The following MYH8 variants were observed in gnomAD, a reference collection of about 807,000 sequenced individuals.
The protein encoded by MYH8 is myosin-8.
Under a neutral mutation model 233.2 loss-of-function variants are expected in MYH8, and 168 were observed. That is an observed-to-expected ratio of 0.72 (90% CI 0.64 to 0.82). MYH8 has a LOEUF of 0.82. Ranked by LOEUF, MYH8 falls within the 40% of genes least tolerant of loss-of-function variation. MYH8 has a pLI of 0.00. For missense variants in MYH8, 1,995 were observed against 2,327.8 expected (o/e 0.86, Z 2.94); for synonymous variants, 785 against 850.6 (o/e 0.92, Z 1.34).
Position 10,414,001 on chromosome 17 carries a change from C to T in MYH8, c.1048G>A (p.Val350Met), listed in dbSNP as rs530350694. Residue 350 changes from valine to methionine, a missense_variant, in exon 12 of 40, where the codon GTG (valine) becomes ATG (methionine). Around this residue, in one of 3 missense-constraint regions of MYH8, gnomAD observed 479 missense variants for 600.9 expected, o/e 0.80. Coordinates refer to ENST00000403437, the MANE Select transcript of MYH8 (RefSeq NM_002472.3). Reference protein sequence around the residue: ...DILGFTPEEKVSIYKLTGAVM... With the variant: ...DILGFTPEEKMSIYKLTGAVM... ...GCCCCTGTGAGTTTATAGATGGACA[C>T]TTTCTCTTCAGGAGTGAAGCCCAGG... The T allele has an allele frequency of 1.2e-6, 2 of 1,614,086 alleles. No homozygotes were observed. Among genetic ancestry groups the T allele is most frequent in the Admixed American group, 1.7e-5 (1 of 60,012 alleles).
At position 10,390,568 on chromosome 17, in the gene MYH8, G is replaced by T. The variant is rs2072011168; in HGVS notation, c.5700C>A (p.Arg1900=). The change falls in exon 40 of 40, where the codon CGC becomes CGA. Residue 1900 remains arginine, a synonymous_variant. Transcript: ENST00000403437. ...EQSNANLSKF[R]KLQHELEEAE... Reference sequence around the variant, plus strand: ...CCTCCTCCAGCTCATGCTGGAGTTTGCGGAATTTAGATAGATTAGCATTGG... The same window carrying T: ...CCTCCTCCAGCTCATGCTGGAGTTTTCGGAATTTAGATAGATTAGCATTGG... The T allele has an allele frequency of 6.2e-7, 1 of 1,614,174 alleles. No homozygotes were observed. The highest frequency in any genetic ancestry group is 2.2e-5 in the East Asian group (1 of 44,888).
At position 10,412,718 on chromosome 17, in the gene MYH8, C is replaced by T; in HGVS notation, c.1158G>A (p.Lys386=). ...AEPDGTEVAD[K]AAYLQSLNSA... ...AGTTCAGACTCTGGAGATAGGCTGCCTTGTCAGCGACTGCAGAGACACAGT... is the reference window on the plus strand; with the variant it reads ...AGTTCAGACTCTGGAGATAGGCTGCTTTGTCAGCGACTGCAGAGACACAGT... Residue 386 remains lysine, a synonymous_variant, in exon 13 of 40, where the codon AAG becomes AAA. Coordinates refer to ENST00000403437, the MANE Select transcript of MYH8 (RefSeq NM_002472.3). 1 of 1,613,758 alleles carries T rather than the reference C, an allele frequency of 6.2e-7. No individual in the cohort carries two copies. Among genetic ancestry groups the T allele is most frequent in the South Asian group, 1.1e-5 (1 of 91,058 alleles).
chr17:10,406,563 C>G, intron 19 of MYH8, 127 bp downstream of exon 19: 1 of 1,341,286 alleles, frequency 7.5e-7, no homozygotes, highest in South Asian at 1.2e-5. Context: ...CTGTTGCATG[C>G]CTGCTTCCTG....
chr17:10,414,354 A>G (rs750277795), intron 10 of MYH8, 32 bp downstream of exon 10: 22 of 1,600,758 alleles, frequency 1.4e-5, no homozygotes, highest in Non-Finnish European at 1.8e-5. Context: ...AAAAATATTA[A>G]CTTCTATCTA....
intron 22 of MYH8, 77 bp downstream of exon 22, chr17:10,404,253 C>G (rs1166890345): frequency 7.0e-6 from 11 of 1,578,276 alleles, no homozygotes; most frequent in Non-Finnish European, 9.5e-6. Flanking sequence ...AAGTAGAGAT[C>G]ATTTGTAAAT....
chr17:10,414,087 C>T (rs776184999), intron 11 of MYH8, 47 bp from the exon 12 acceptor site: 1 of 1,612,998 alleles, frequency 6.2e-7, no homozygotes, highest in South Asian at 1.1e-5. Flanking sequence ...AAGAGACTAA[C>T]TTATAAGAGA....
rs759117723 is a variant in MYH8, at chr17:10,400,906, A to G, written c.3308T>C (p.Val1103Ala). The change falls in exon 26 of 40, where the codon GTA becomes GCA. Residue 1103 changes from valine to alanine, a missense_variant. By Grantham distance (64) the Val-to-Ala change is moderately conservative. Coordinates refer to ENST00000403437, the MANE Select transcript of MYH8 (RefSeq NM_002472.3). The surrounding 1 kb of genome is among the most constrained non-coding windows in gnomAD (Gnocchi z 4.0). ...LISKIEDEQAVEIQLQKKIKE... is the reference protein window; with the variant it reads ...LISKIEDEQAAEIQLQKKIKE... Reference sequence around the variant, plus strand: ...GATCTTCTTCTGTAGTTGAATTTCTACAGCTTGCTCATCTTCAATTTTGCT... The same window carrying G: ...GATCTTCTTCTGTAGTTGAATTTCTGCAGCTTGCTCATCTTCAATTTTGCT... The G allele has an allele frequency of 6.2e-7, 1 of 1,613,848 alleles. No individual in the cohort carries two copies. Among genetic ancestry groups the G allele is most frequent in the South Asian group, 1.1e-5 (1 of 91,086 alleles).
intron 17 of MYH8, among the ~76,000 whole-genome samples, chr17:10,407,857 T>A (rs1304181006): frequency 6.6e-6 from 1 of 150,562 alleles, no homozygotes; most frequent in Non-Finnish European, 1.5e-5. Context: ...AATAAATAAA[T>A]AAAATAAAAT....
intron 5 of MYH8, 55 bp downstream of exon 5, chr17:10,418,590 G>A: frequency 6.2e-7 from 1 of 1,612,206 alleles, no homozygotes; most frequent in South Asian, 1.1e-5. Context: ...AGGTCTGTCT[G>A]TTCTGCAAAG....
chr17:10,418,631 C>T lies in MYH8; in HGVS notation c.511+14G>A. ...ATTTACACATTTCTGTAAATAGATG[C>T]CTCACTCACTCACCAGTCAACATGA... On this transcript the variant is annotated intron_variant, in intron 5 of 39. Coordinates refer to ENST00000403437, the MANE Select transcript of MYH8 (RefSeq NM_002472.3). 6.2e-7 allele frequency: 1 copy of T among 1,613,734 alleles called. No homozygotes were observed. The highest frequency in any genetic ancestry group is 8.5e-7 in the Non-Finnish European group (1 of 1,179,858).
chr17:10,402,681 A>G (rs1432478747), intron 22 of MYH8, among the ~76,000 whole-genome samples: 2 of 152,140 alleles, frequency 1.3e-5, no homozygotes, highest in Non-Finnish European at 2.9e-5. Context: ...AATGGCAGAT[A>G]TCATATTTTA....
chr17:10,393,154 T>A lies in MYH8; in HGVS notation c.5223A>T (p.Gln1741His). The A allele has an allele frequency of 6.2e-7, 1 of 1,614,258 alleles. No individual in the cohort carries two copies. The highest frequency in any genetic ancestry group is 1.1e-5 in the South Asian group (1 of 91,088). ...CTTGGATTACTTCTTCCACTTCACT[T>A]TGGAGTTGGGAAACGTCATTTTCTA... is the stretch of plus-strand genomic sequence containing the variant. ...KKLENDVSQL[Q>H]SEVEEVIQES... The change falls in exon 36 of 40, where the codon CAA becomes CAT. Residue 1741 changes from glutamine to histidine, a missense_variant. This residue lies in a region of MYH8 where 1,498 missense variants were observed against 1,680.9 expected (regional missense o/e 0.89). Coordinates refer to ENST00000403437, the MANE Select transcript of MYH8 (RefSeq NM_002472.3).
chr17:10,401,023 G>GT (rs746132303), intron 25 of MYH8, 23 bp downstream of exon 25: 49 of 1,614,028 alleles, frequency 3.0e-5, no homozygotes, highest in East Asian at 4.5e-5. Flanking sequence ...TCACATAGAA[G>GT]TTTTTTTCTA....
chr17:10,419,977 A>C lies in MYH8; in HGVS notation c.210+41T>G. ...AAGTTAGGCTTCAACTTTTGAACCA[A>C]GAAATAAAATGGGGAGTATTTTCTC... On this transcript the variant is annotated intron_variant, in intron 3 of 39. Transcript: ENST00000403437. This position sits in a 1 kb window ranked among gnomAD's most constrained non-coding sequence, Gnocchi z 4.0. The C allele has an allele frequency of 1.2e-6, 2 of 1,600,876 alleles. No homozygotes were observed. The highest frequency in any genetic ancestry group is 3.3e-5 in the Admixed American group (2 of 60,016).
intron 14 of MYH8, 34 bp from the exon 15 acceptor site, chr17:10,410,981 T>C (rs375304993): frequency 1.2e-6 from 2 of 1,613,926 alleles, no homozygotes; most frequent in African/African-American, 2.7e-5. Flanking sequence ...CAACATCAAA[T>C]GAGTTTTATA....
In MYH8 at chr17:10,391,948, C is replaced by A; in HGVS notation, c.5598G>T (p.Arg1866Ser). 6.2e-7 allele frequency: 1 copy of A among 1,614,128 alleles called. No individual in the cohort carries two copies. Among genetic ancestry groups the A allele is most frequent in the Non-Finnish European group, 8.5e-7 (1 of 1,180,014 alleles). The change falls in exon 39 of 40, where the codon AGG (arginine) becomes AGT (serine). Residue 1866 changes from arginine to serine, a missense_variant. This residue lies in a region of MYH8 where 1,498 missense variants were observed against 1,680.9 expected (regional missense o/e 0.89). Coordinates refer to ENST00000403437, the MANE Select transcript of MYH8 (RefSeq NM_002472.3). ...GTAATTTATCTACCAAGTCCTGCAG[C>A]CTGAGAACATTCTTGCGATCTTCTT... ...QTEEDRKNVLRLQDLVDKLQA... is the reference protein window; with the variant it reads ...QTEEDRKNVLSLQDLVDKLQA...
intron 22 of MYH8, among the ~76,000 whole-genome samples, chr17:10,403,447 T>A (rs545574272): frequency 2.0e-5 from 3 of 152,284 alleles, no homozygotes; most frequent in South Asian, 2.1e-4. Context: ...TGGGAACTTA[T>A]TGGGGGATTC....
In MYH8 at chr17:10,401,060, A is replaced by T. The variant is rs752905198; in HGVS notation, c.3240T>A (p.Asp1080Glu). The T allele has an allele frequency of 1.9e-6, 3 of 1,614,170 alleles. No individual in the cohort carries two copies. Among genetic ancestry groups the T allele is most frequent in the Admixed American group, 1.7e-5 (1 of 60,014 alleles). ...AAGGCTCCTACTTTTCAAGCTTTTC[A>T]TCAAGTTGCTGTTTGTCATTTTCCA... Reference protein sequence around the residue: ...MDMENDKQQLDEKLEKKEFEI... With the variant: ...MDMENDKQQLEEKLEKKEFEI... Residue 1080 changes from aspartate (D) to glutamate (E), a missense_variant, in exon 25 of 40, where the codon GAT (aspartate) becomes GAA (glutamate). Physicochemically the swap from Asp to Glu is conservative, Grantham distance 45 (BLOSUM62 2). Transcript: ENST00000403437.
intron 35 of MYH8, among the ~76,000 whole-genome samples, chr17:10,393,650 A>G (rs2142167938): frequency 6.6e-6 from 1 of 152,330 alleles, no homozygotes; most frequent in South Asian, 2.1e-4. Context: ...TCTTATGAAA[A>G]CATGTTCTTA....
Sources: gnomAD v4.1 joint callset for allele counts (sites outside exome capture counted in the v4.1 genomes callset) on GRCh38, gnomAD v4.1.1 for gene constraint, gnomAD v4.1.1 regional missense constraint, Gnocchi (gnomAD v3.1) non-coding constraint, MANE v1.5 for transcripts, NCBI Gene and HGNC (gene_info 2026-07-23, HGNC 2026-07-21) for gene names.